The following MAD1L1 variants were observed in gnomAD, a reference collection of about 807,000 sequenced individuals.
MAD1L1 encodes the protein mitotic arrest deficient 1 like 1, also known as mitotic spindle assembly checkpoint protein MAD1.
MAD1L1 carries 95 observed loss-of-function variants against 96.9 expected under a neutral mutation model. The observed-to-expected ratio is 0.98, with a 90% CI of 0.83 to 1.16. The LOEUF (loss-of-function observed/expected upper bound fraction) is 1.16, where lower values mean the gene tolerates loss of function less well. MAD1L1 is among the 50% of genes most tolerant of loss of function. The pLI is 0.00. For synonymous variants in MAD1L1, 473 were observed against 396.6 expected (o/e 1.19, Z -2.29); for missense variants, 1,007 against 954.4 (o/e 1.06, Z -0.73).
chr7:2,207,280 T>C (rs1403174770), intron 10 of MAD1L1, among the ~76,000 whole-genome samples: 1 of 152,138 alleles, frequency 6.6e-6, no homozygotes, highest in East Asian at 1.9e-4. Flanking sequence ...TACATGCAGC[T>C]CCTTATCTGG....
At chr7:1,929,963 CCCCGTCCCCACTGCCACGTCCCCTCAT>C (rs1789356130) in intron 17 of MAD1L1, among the ~76,000 whole-genome samples, 2 of 1,646 alleles carry the variant, frequency 1.2e-3, no homozygotes, top group African/African-American at 1.7e-3. Context: ...CGTCCCCTCG[CCCCGTCCCCACTGCCACGTCCCCTCAT>C]CCCGTCCCCA....
At chr7:1,974,875 G>A (rs1231262623) in intron 15 of MAD1L1, among the ~76,000 whole-genome samples, 2 of 152,252 alleles carry the variant, frequency 1.3e-5, no homozygotes, top group Non-Finnish European at 2.9e-5. Flanking sequence ...CAGGGGAGGT[G>A]GGCAGGCTTT....
intron 12 of MAD1L1, among the ~76,000 whole-genome samples, chr7:2,040,809 C>T (rs1479057979): frequency 6.6e-6 from 1 of 152,224 alleles, no homozygotes; most frequent in Non-Finnish European, 1.5e-5. Flanking sequence ...CAGGACTCTT[C>T]ATTATACTTA....
chr7:2,083,116 C>T (rs908272183), intron 11 of MAD1L1, among the ~76,000 whole-genome samples: 1 of 152,198 alleles, frequency 6.6e-6, no homozygotes, highest in African/African-American at 2.4e-5. Flanking sequence ...GTCACTCGAC[C>T]AATAAAGAAA....
chr7:1,854,393 C>T lies in MAD1L1; in HGVS notation c.1999-38165G>A, dbSNP rs373633779. On this transcript the variant is annotated intron_variant, in intron 18 of 18. Coordinates refer to ENST00000265854, the MANE Select transcript of MAD1L1 (RefSeq NM_001013836.2). Reference sequence around the variant, plus strand: ...GGAAGCCTGTATTGGTCCACTCGGCCGCTGCAGACTAGGTGGCTCGTAAAC... The same window carrying T: ...GGAAGCCTGTATTGGTCCACTCGGCTGCTGCAGACTAGGTGGCTCGTAAAC... 9.0e-5 allele frequency: 42 copies of T among 465,486 alleles called. 3 individuals are homozygous for T. Among genetic ancestry groups the T allele is most frequent in the African/African-American group, 4.0e-4 (20 of 50,544 alleles). The allele number at this position is 465,486 out of a possible 1,614,324, so 28.8% of individuals were successfully genotyped here.
chr7:2,110,575 C>T (rs143095397), intron 11 of MAD1L1, among the ~76,000 whole-genome samples: 92 of 152,330 alleles, frequency 6.0e-4, no homozygotes, highest in African/African-American at 2.0e-3. Context: ...GTGACTCAGA[C>T]GTGCGGCAGA....
chr7:1,936,617 C>T, intron 17 of MAD1L1, 70 bp downstream of exon 17: 1 of 1,466,786 alleles, frequency 6.8e-7, no homozygotes, highest in Non-Finnish European at 9.2e-7. Flanking sequence ...GAGGCTGCCC[C>T]AAAGGCGCAC....
chr7:1,987,308 T>G (rs1301741926), intron 14 of MAD1L1, among the ~76,000 whole-genome samples: 1 of 152,214 alleles, frequency 6.6e-6, no homozygotes, highest in Non-Finnish European at 1.5e-5. Context: ...GCACAGAACC[T>G]GGCACACAGT....
At chr7:2,047,294 G>A (rs777745503) in intron 12 of MAD1L1, among the ~76,000 whole-genome samples, 17 of 152,208 alleles carry the variant, frequency 1.1e-4, no homozygotes, top group Non-Finnish European at 2.2e-4. Flanking sequence ...CCGGCACGAG[G>A]AAACCCTGGG....
At chr7:1,889,202 G>A (rs571473862) in intron 18 of MAD1L1, among the ~76,000 whole-genome samples, 9 of 152,312 alleles carry the variant, frequency 5.9e-5, no homozygotes, top group African/African-American at 1.4e-4. Context: ...AGAGGCAAGC[G>A]ACATCCACAC....
chr7:2,041,672 C>T (rs1192744795), intron 12 of MAD1L1, among the ~76,000 whole-genome samples: 1 of 152,224 alleles, frequency 6.6e-6, no homozygotes, highest in Admixed American at 6.5e-5. Flanking sequence ...ACGACTGACG[C>T]TTGACATGAG....
intron 17 of MAD1L1, among the ~76,000 whole-genome samples, chr7:1,915,859 A>G (rs949985513): frequency 6.6e-6 from 1 of 152,208 alleles, no homozygotes; most frequent in Non-Finnish European, 1.5e-5. Flanking sequence ...GTCAGCAGGG[A>G]ATTCTTGGGA....
At chr7:1,967,534 G>T (rs1222272246) in intron 15 of MAD1L1, among the ~76,000 whole-genome samples, 1 of 152,204 alleles carries the variant, frequency 6.6e-6, no homozygotes, top group African/African-American at 2.4e-5. Context: ...AAGGCAGCTG[G>T]CGGGAGGGTG....
chr7:2,096,887 G>A (rs1285399468), intron 11 of MAD1L1, among the ~76,000 whole-genome samples: 4 of 152,106 alleles, frequency 2.6e-5, no homozygotes, highest in Admixed American at 1.3e-4. Flanking sequence ...CCTCATAGCC[G>A]GTGACCCCCG....
intron 11 of MAD1L1, among the ~76,000 whole-genome samples, chr7:2,140,861 G>T (rs1015475915): frequency 4.6e-5 from 7 of 152,216 alleles, no homozygotes; most frequent in Non-Finnish European, 1.0e-4. Flanking sequence ...TTTTTCTAGT[G>T]CTTGAATAAA....
At chr7:1,998,087 A>T (rs1781638184) in intron 14 of MAD1L1, among the ~76,000 whole-genome samples, 2 of 152,176 alleles carry the variant, frequency 1.3e-5, no homozygotes, top group South Asian at 4.1e-4. Flanking sequence ...AAAAAGAGAA[A>T]AAACACAGGT....
intron 3 of MAD1L1, among the ~76,000 whole-genome samples, chr7:2,227,773 C>G (rs1328073943): frequency 6.6e-6 from 1 of 152,232 alleles, no homozygotes; most frequent in Non-Finnish European, 1.5e-5. Flanking sequence ...TCTGTGTCTG[C>G]AGTCAAGCCT....
At chr7:2,003,038 C>CG (rs1329217614) in intron 13 of MAD1L1, among the ~76,000 whole-genome samples, 1 of 1,018 alleles carries the variant, frequency 9.8e-4, no homozygotes, top group Non-Finnish European at 3.4e-3. Context: ...CTTGTGAGAC[C>CG]CCCCCAGGCC....
intron 11 of MAD1L1, among the ~76,000 whole-genome samples, chr7:2,140,555 G>A (rs1459853068): frequency 6.6e-6 from 1 of 152,256 alleles, no homozygotes; most frequent in African/African-American, 2.4e-5. Context: ...AAGATGAAGA[G>A]CCTCGTCTGC....
Sources: gnomAD v4.1 joint callset for allele counts (sites outside exome capture counted in the v4.1 genomes callset) on GRCh38, gnomAD v4.1.1 for gene constraint, MANE v1.5 for transcripts, NCBI Gene and HGNC (gene_info 2026-07-23, HGNC 2026-07-21) for gene names.